The following CNTN6 variants were observed in gnomAD, a reference collection of about 807,000 sequenced individuals.
The protein encoded by CNTN6 is contactin-6.
CNTN6 carries 137 observed loss-of-function variants against 122.8 expected under a neutral mutation model. The ratio of observed to expected loss-of-function variants is 1.12; its 90% CI spans 0.97 to 1.29. The LOEUF is 1.29. CNTN6 is among the 50% of genes most tolerant of loss of function. The pLI is 0.00. For synonymous variants in CNTN6, 570 were observed against 426.0 expected, an observed-to-expected ratio of 1.34 and a Z score of -4.16; for missense variants, 1,634 against 1,223.4, an observed-to-expected ratio of 1.34 and a Z score of -5.01.
chr3:1,390,042 G>C (rs13321668), intron 20 of CNTN6, among the ~76,000 whole-genome samples: 1,817 of 151,906 alleles, frequency 0.012, 31 homozygotes, highest in African/African-American at 0.042. Context: ...ATTGAACTCA[G>C]CTCTGCACCA....
intron 4 of CNTN6, among the ~76,000 whole-genome samples, chr3:1,253,855 C>A (rs916614673): frequency 2.0e-5 from 3 of 152,152 alleles, no homozygotes; most frequent in Non-Finnish European, 4.4e-5. Context: ...TGGTTGGGGA[C>A]TGCTGATCTA....
intron 3 of CNTN6, among the ~76,000 whole-genome samples, chr3:1,221,875 A>C (rs993769811): frequency 2.0e-5 from 3 of 152,190 alleles, no homozygotes; most frequent in African/African-American, 7.2e-5. Flanking sequence ...GACACACACA[A>C]AGAGTAACAA....
chr3:1,401,539 G>A lies in CNTN6; in HGVS notation c.2811G>A (p.Gly937=), dbSNP rs760642516. 1 of 1,606,526 alleles carries A rather than the reference G, an allele frequency of 6.2e-7. No homozygotes were observed. The highest frequency in any genetic ancestry group is 2.2e-5 in the East Asian group (1 of 44,672). Residue 937 remains glycine, a synonymous_variant, in exon 21 of 23, where the codon GGG becomes GGA. Coordinates refer to ENST00000446702, the MANE Select transcript of CNTN6 (RefSeq NM_001289080.2). ...KTMENESEVL[G]YKILYRQNRQ... ...TGGAAAATGAGTCTGAAGTTTTGGG[G>A]TACAAGGTGAGTTTTTAGTTTTTCC...
Position 1,372,360 on chromosome 3 carries a change from G to A in CNTN6, c.1554G>A (p.Val518=), listed in dbSNP as rs772911239. The part of the protein sequence containing the change: ...KMDVTVGESI[V]LPCQVSHDPS... Reference sequence around the variant, plus strand: ...ATGTTACAGTTGGCGAGAGTATAGTGCTACCATGCCAGGTGTCCCATGACC... The same window carrying A: ...ATGTTACAGTTGGCGAGAGTATAGTACTACCATGCCAGGTGTCCCATGACC... The change falls in exon 13 of 23, where the codon GTG becomes GTA. Residue 518 remains valine, a synonymous_variant. Coordinates refer to ENST00000446702, the MANE Select transcript of CNTN6 (RefSeq NM_001289080.2). The A allele has an allele frequency of 1.9e-6, 3 of 1,613,448 alleles. No homozygotes were observed. The South Asian group carries it at 3.3e-5, about 18-fold the overall frequency.
intron 11 of CNTN6, among the ~76,000 whole-genome samples, chr3:1,340,480 G>A (rs973568260): frequency 2.0e-5 from 3 of 152,140 alleles, no homozygotes; most frequent in African/African-American, 4.8e-5. Flanking sequence ...AGACTGATTG[G>A]ATTTTTAACG....
chr3:1,216,928 A>C (rs1041814783), intron 2 of CNTN6, among the ~76,000 whole-genome samples: 1 of 152,214 alleles, frequency 6.6e-6, no homozygotes, highest in Admixed American at 6.5e-5. Flanking sequence ...AGATGATTCA[A>C]CTTCCTGGGT....
chr3:1,331,175 G>T (rs1204833385), intron 11 of CNTN6, among the ~76,000 whole-genome samples: 1 of 151,906 alleles, frequency 6.6e-6, no homozygotes, highest in Non-Finnish European at 1.5e-5. Flanking sequence ...ACAATGAAGT[G>T]TACATCAGAG....
At chr3:1,125,534 A>T (rs1264521574) in intron 1 of CNTN6, among the ~76,000 whole-genome samples, 1 of 151,908 alleles carries the variant, frequency 6.6e-6, no homozygotes, top group Non-Finnish European at 1.5e-5. Context: ...TGTGAGTATT[A>T]TGCAGGTTCA....
intron 1 of CNTN6, among the ~76,000 whole-genome samples, chr3:1,095,916 C>T (rs1430972394): frequency 6.6e-6 from 1 of 152,104 alleles, no homozygotes; most frequent in African/African-American, 2.4e-5. Flanking sequence ...CTTTTACTAC[C>T]CAATTCACCA....
At chr3:1,313,930 A>G (rs963485730) in intron 7 of CNTN6, among the ~76,000 whole-genome samples, 2 of 151,994 alleles carry the variant, frequency 1.3e-5, no homozygotes, top group Non-Finnish European at 2.9e-5. Flanking sequence ...GATCTATTTT[A>G]TAAGAACACT....
At chr3:1,270,864 A>G (rs2095013384) in intron 4 of CNTN6, among the ~76,000 whole-genome samples, 1 of 152,020 alleles carries the variant, frequency 6.6e-6, no homozygotes, top group Non-Finnish European at 1.5e-5. Flanking sequence ...TGCACTCTCG[A>G]GCCACAATAT....
chr3:1,245,803 T>C (rs944677318), intron 4 of CNTN6, among the ~76,000 whole-genome samples: 1 of 151,988 alleles, frequency 6.6e-6, no homozygotes, highest in Non-Finnish European at 1.5e-5. Flanking sequence ...CATTGAAATG[T>C]TAATTATGTT....
At chr3:1,195,077 A>G (rs2093757192) in intron 2 of CNTN6, among the ~76,000 whole-genome samples, 1 of 152,156 alleles carries the variant, frequency 6.6e-6, no homozygotes, top group Admixed American at 6.6e-5. Context: ...CGCCAGGTTC[A>G]GCTTGTCCTA....
intron 20 of CNTN6, among the ~76,000 whole-genome samples, chr3:1,389,962 G>A (rs888769971): frequency 3.3e-5 from 5 of 150,306 alleles, no homozygotes; most frequent in African/African-American, 1.2e-4. Flanking sequence ...TTAATAATGG[G>A]AGACTTTAAC....
At chr3:1,276,781 T>C (rs574904603) in intron 4 of CNTN6, among the ~76,000 whole-genome samples, 75 of 152,228 alleles carry the variant, frequency 4.9e-4, no homozygotes, top group African/African-American at 1.7e-3. Flanking sequence ...CCAAAACAAA[T>C]GCCTCAAACA....
At position 1,095,407 on chromosome 3, in the gene CNTN6, C is replaced by CT. The variant is rs1384027227; in HGVS notation, c.-83+2289dup. ...AATCACTTGACCCCGGGAGGCGGAG[C>CT]TTGCAGTGAGCAGAGATCGCGCCAT... On this transcript the variant is annotated intron_variant, in intron 1 of 22. Coordinates refer to ENST00000446702, the MANE Select transcript of CNTN6 (RefSeq NM_001289080.2). Among the ~76,000 whole-genome samples the CT allele has an allele frequency of 2.0e-5, 3 of 152,170 alleles. No homozygotes were observed. The East Asian group carries it at 5.8e-4, about 29-fold the overall frequency.
chr3:1,206,055 G>A (rs1559511584), intron 2 of CNTN6, among the ~76,000 whole-genome samples: 1 of 152,122 alleles, frequency 6.6e-6, no homozygotes, highest in Non-Finnish European at 1.5e-5. Flanking sequence ...TTGAAAGGCA[G>A]GGTTAATCTT....
intron 1 of CNTN6, among the ~76,000 whole-genome samples, chr3:1,103,085 G>C (rs956040022): frequency 6.6e-6 from 1 of 152,024 alleles, no homozygotes; most frequent in Non-Finnish European, 1.5e-5. Context: ...CAGCCTGGGC[G>C]ACAGAGCCAG....
chr3:1,206,585 C>A (rs976529870), intron 2 of CNTN6, among the ~76,000 whole-genome samples: 3 of 152,148 alleles, frequency 2.0e-5, no homozygotes, highest in African/African-American at 7.2e-5. Context: ...GCACCATTGA[C>A]CCCATGTCTT....
Sources: allele counts gnomAD v4.1 joint callset (sites outside exome capture counted in the v4.1 genomes callset), GRCh38; gene constraint gnomAD v4.1.1; transcripts MANE v1.5; gene names NCBI Gene and HGNC (gene_info 2026-07-23, HGNC 2026-07-21).